GALNT13: variants seen among roughly 807,000 people sequenced by gnomAD.
GALNT13 encodes the protein polypeptide N-acetylgalactosaminyltransferase 13, also known as UDP-GalNAc:polypeptide N-acetylgalactosaminyltransferase 13.
In GALNT13, 28 loss-of-function variants were observed where a neutral mutation model predicts 64.2. The ratio of observed to expected loss-of-function variants is 0.44; its 90% confidence interval spans 0.32 to 0.60. The LOEUF is 0.60. Among genes scored for constraint, GALNT13 ranks in the 20% least tolerant of loss-of-function variants. The probability of loss-of-function intolerance (pLI) is 0.05; values close to 1 mark genes in which losing one functional copy is unlikely to be tolerated. For synonymous variants in GALNT13, 214 were observed against 224.6 expected (o/e 0.95, Z 0.42); for missense variants, 577 against 669.8 (o/e 0.86, Z 1.53).
intron 4 of GALNT13, among the ~76,000 whole-genome samples, chr2:154,150,509 A>G (rs1257775958): frequency 1.3e-5 from 2 of 152,224 alleles, no homozygotes; most frequent in Non-Finnish European, 2.9e-5. Context: ...GAATGGTACC[A>G]GTTCCTCCTT....
At chr2:153,515,571 C>T in the GALNT13 span, among the ~76,000 whole-genome samples, 217 of 152,220 alleles carry the variant, frequency 1.4e-3, 3 homozygotes, top group East Asian at 0.037. Flanking sequence ...CAAGGTAGCC[C>T]GTGCCTTCTT....
At chr2:154,301,651 A>G in intron 9 of GALNT13, 62 bp downstream of exon 9, 2 of 1,051,578 alleles carry the variant, frequency 1.9e-6, no homozygotes, top group Non-Finnish European at 2.8e-6. Context: ...CATACTGAAT[A>G]TGTGTTTCAT....
At chr2:153,884,506 C>T (rs941612371) in intron 1 of GALNT13, among the ~76,000 whole-genome samples, 2 of 151,632 alleles carry the variant, frequency 1.3e-5, no homozygotes, top group South Asian at 2.1e-4. Context: ...TGTCACTGAA[C>T]GTGATAGCAA....
At chr2:153,410,746 A>G in the GALNT13 span, among the ~76,000 whole-genome samples, 1 of 152,186 alleles carries the variant, frequency 6.6e-6, no homozygotes, top group Non-Finnish European at 1.5e-5. Context: ...AGAGTGGAGC[A>G]GGGAAATAGA....
the GALNT13 span, among the ~76,000 whole-genome samples, chr2:153,437,425 G>T: frequency 6.6e-6 from 1 of 152,116 alleles, no homozygotes; most frequent in Non-Finnish European, 1.5e-5. Context: ...TGACAGTGGG[G>T]TGTTAAAGTC....
chr2:153,806,753 C>T, the GALNT13 span, among the ~76,000 whole-genome samples: 2 of 150,934 alleles, frequency 1.3e-5, no homozygotes, highest in Non-Finnish European at 2.9e-5. Flanking sequence ...AAACTTTAGA[C>T]TCTTTAATGC....
intron 9 of GALNT13, among the ~76,000 whole-genome samples, chr2:154,307,393 T>C (rs1261470944): frequency 6.6e-6 from 1 of 152,182 alleles, no homozygotes; most frequent in Non-Finnish European, 1.5e-5. Flanking sequence ...AGACTCCCAA[T>C]TAATTTAAAG....
At chr2:154,362,033 T>C (rs1489838887) in intron 9 of GALNT13, among the ~76,000 whole-genome samples, 2 of 152,080 alleles carry the variant, frequency 1.3e-5, no homozygotes, top group African/African-American at 4.8e-5. Context: ...TCCCATGGAA[T>C]CAGCTCTAAC....
chr2:153,285,858 T>C, the GALNT13 span, among the ~76,000 whole-genome samples: 72,795 of 151,938 alleles, frequency 0.48, 18,071 homozygotes, highest in Middle Eastern at 0.61. Context: ...GTGATATGTT[T>C]AATTATTAGC....
the GALNT13 span, among the ~76,000 whole-genome samples, chr2:153,090,112 C>T: frequency 6.6e-6 from 1 of 152,220 alleles, no homozygotes; most frequent in Non-Finnish European, 1.5e-5. Flanking sequence ...GAACTCAAGG[C>T]CTGCTGTTGA....
chr2:154,163,933 G>T (rs1684880888), intron 4 of GALNT13, among the ~76,000 whole-genome samples: 1 of 152,014 alleles, frequency 6.6e-6, no homozygotes, highest in Non-Finnish European at 1.5e-5. Context: ...TAATAGTATT[G>T]ACTTTGATAT....
chr2:154,129,830 T>C (rs1047431147), intron 3 of GALNT13, among the ~76,000 whole-genome samples: 3 of 152,128 alleles, frequency 2.0e-5, no homozygotes, highest in Admixed American at 6.6e-5. Context: ...GTTAATGTAC[T>C]CCTCCATGAG....
intron 3 of GALNT13, among the ~76,000 whole-genome samples, chr2:154,129,928 C>G (rs554950252): frequency 1.2e-4 from 18 of 152,124 alleles, no homozygotes; most frequent in African/African-American, 4.1e-4. Context: ...TGGTTTAGTT[C>G]AGGTTCCTAC....
chr2:153,512,688 TAA>T, the GALNT13 span, among the ~76,000 whole-genome samples: 8 of 152,196 alleles, frequency 5.3e-5, no homozygotes, highest in African/African-American at 1.9e-4. Flanking sequence ...CGGCACATAT[TAA>T]GAGTATGCAG....
chr2:153,100,394 C>T, the GALNT13 span, among the ~76,000 whole-genome samples: 44,475 of 152,022 alleles, frequency 0.29, 7,091 homozygotes, highest in Non-Finnish European at 0.38. Context: ...GTAATTACAG[C>T]TTTCTGTCAC....
the GALNT13 span, among the ~76,000 whole-genome samples, chr2:153,253,657 T>G: frequency 6.6e-6 from 1 of 150,896 alleles, no homozygotes; most frequent in Non-Finnish European, 1.5e-5. Flanking sequence ...ATACCTAATT[T>G]ATTGAGAGTT....
chr2:154,314,080 G>A (rs951677515), intron 9 of GALNT13, among the ~76,000 whole-genome samples: 13 of 152,112 alleles, frequency 8.5e-5, no homozygotes, highest in Admixed American at 2.6e-4. Context: ...GTAGTTGGCT[G>A]AGTTTTTGTT....
intron 9 of GALNT13, among the ~76,000 whole-genome samples, chr2:154,303,906 C>G (rs1423422466): frequency 2.0e-5 from 3 of 151,938 alleles, no homozygotes; most frequent in Non-Finnish European, 4.4e-5. Context: ...TACAGGCACC[C>G]GCCACCATGG....
chr2:153,494,158 A>T, the GALNT13 span, among the ~76,000 whole-genome samples: 1 of 152,052 alleles, frequency 6.6e-6, no homozygotes, highest in African/African-American at 2.4e-5. Flanking sequence ...AACTAAAAAG[A>T]TGTACCATGT....
Sources: gnomAD v4.1 joint callset for allele counts (sites outside exome capture counted in the v4.1 genomes callset) on GRCh38, gnomAD v4.1.1 for gene constraint, MANE v1.5 for transcripts, NCBI Gene and HGNC (gene_info 2026-07-23, HGNC 2026-07-21) for gene names.